SLC12A8: variants seen among roughly 807,000 people sequenced by gnomAD.
SLC12A8 encodes the protein solute carrier family 12 member 8.
Under a neutral mutation model 75.6 loss-of-function variants are expected in SLC12A8, and 69 were observed. The observed-to-expected ratio is 0.91, with a 90% confidence interval of 0.75 to 1.11. The LOEUF is 1.11. SLC12A8 is among the 50% of genes most tolerant of loss of function. SLC12A8 has a pLI of 0.00. For synonymous variants in SLC12A8, 365 were observed against 372.8 expected, an observed-to-expected ratio of 0.98 and a Z score of 0.24; for missense variants, 877 against 896.7, an observed-to-expected ratio of 0.98 and a Z score of 0.28.
chr3:125,151,462 G>A (rs1933920664), intron 5 of SLC12A8: 1 of 154,220 alleles, frequency 6.5e-6, no homozygotes, highest in Admixed American at 6.5e-5. Context: ...GCAAGGTGGA[G>A]AATCCCAAAT....
intron 10 of SLC12A8, 40 bp downstream of exon 10, chr3:125,107,441 C>A: frequency 6.5e-7 from 1 of 1,550,064 alleles, no homozygotes; most frequent in Non-Finnish European, 8.8e-7. Flanking sequence ...CAGTGGTCAT[C>A]CCCAAATAAG....
At chr3:125,200,147 C>T (rs941587036) in intron 2 of SLC12A8, among the ~76,000 whole-genome samples, 1 of 152,132 alleles carries the variant, frequency 6.6e-6, no homozygotes, top group Non-Finnish European at 1.5e-5. Context: ...GCATGTAGTA[C>T]TTCTATGATA....
At chr3:125,128,605 G>A (rs142263747) in intron 6 of SLC12A8, among the ~76,000 whole-genome samples, 19,819 of 150,638 alleles carry the variant, frequency 0.13, 1,615 homozygotes, top group Middle Eastern at 0.25. Flanking sequence ...TCAGCCTCCC[G>A]AGTAGCTGGG....
At chr3:125,140,422 G>A (rs1204144388) in intron 5 of SLC12A8, among the ~76,000 whole-genome samples, 1 of 152,180 alleles carries the variant, frequency 6.6e-6, no homozygotes, top group Admixed American at 6.5e-5. Context: ...GGGTTCCCAG[G>A]CCCTGGCACT....
chr3:125,177,898 G>T lies in SLC12A8; in HGVS notation c.467C>A (p.Ala156Asp). Residue 156 changes from alanine (A) to aspartate (D), a missense_variant, in exon 5 of 14, where the codon GCT becomes GAT. Coordinates refer to ENST00000469902, the MANE Select transcript of SLC12A8 (RefSeq NM_024628.6). The part of the protein sequence containing the change: ...SDLLGLGNIW[A>D]VRGISVAVLL... ...CACCGCAACTGAAATTCCTCGCACA[G>T]CCCAGATATTCCCGAGGCCCAGCAA... The T allele has an allele frequency of 6.2e-7, 1 of 1,614,158 alleles. No individual in the cohort carries two copies. Among genetic ancestry groups the T allele is most frequent in the Non-Finnish European group, 8.5e-7 (1 of 1,180,010 alleles).
chr3:125,166,132 C>T (rs1315673716), intron 5 of SLC12A8, among the ~76,000 whole-genome samples: 2 of 152,138 alleles, frequency 1.3e-5, no homozygotes, highest in African/African-American at 2.4e-5. Flanking sequence ...GGCGCTTTAC[C>T]CCAGCCCTGA....
chr3:125,098,956 C>T (rs1938791617), intron 10 of SLC12A8, among the ~76,000 whole-genome samples: 1 of 152,180 alleles, frequency 6.6e-6, no homozygotes, highest in African/African-American at 2.4e-5. Flanking sequence ...TGGGGAGATC[C>T]TGGAAATGAG....
rs78219403 is a variant in SLC12A8, at chr3:125,156,129, G to C, written c.623-20347C>G. On this transcript the variant is annotated intron_variant, in intron 5 of 13. Coordinates refer to ENST00000469902, the MANE Select transcript of SLC12A8 (RefSeq NM_024628.6). Reference sequence around the variant, plus strand: ...ACGGGGCATGTGGCTGAGCTGTAGTGCTGTGATGAGGGAGTGTGCCATCCA... The same window carrying C: ...ACGGGGCATGTGGCTGAGCTGTAGTCCTGTGATGAGGGAGTGTGCCATCCA... 8.6e-3 allele frequency among the ~76,000 whole-genome samples: 1,315 copies of C among 152,342 alleles called. 20 individuals are homozygous for C. The highest frequency in any genetic ancestry group is 0.03 in the African/African-American group (1,227 of 41,574).
chr3:125,170,874 C>G (rs1435472124), intron 5 of SLC12A8, among the ~76,000 whole-genome samples: 1 of 152,162 alleles, frequency 6.6e-6, no homozygotes, highest in African/African-American at 2.4e-5. Context: ...GAGATCACGC[C>G]ACTGCACTCC....
At chr3:125,203,312 A>G (rs1935164329) in intron 2 of SLC12A8, among the ~76,000 whole-genome samples, 1 of 152,166 alleles carries the variant, frequency 6.6e-6, no homozygotes, top group South Asian at 2.1e-4. Context: ...CAAAGCTGAA[A>G]GCATCACACT....
At chr3:125,145,922 C>G (rs2333044) in intron 5 of SLC12A8, among the ~76,000 whole-genome samples, 73,331 of 152,060 alleles carry the variant, frequency 0.48, 18,266 homozygotes, top group Non-Finnish European at 0.51. Context: ...CCACCTCCCA[C>G]GGCTCAAGTG....
At chr3:125,104,636 GA>G (rs367643487) in intron 10 of SLC12A8, among the ~76,000 whole-genome samples, 5 of 151,866 alleles carry the variant, frequency 3.3e-5, no homozygotes, top group African/African-American at 7.3e-5. Context: ...AGGAAAAAAA[GA>G]AAAAACACAT....
chr3:125,119,117 G>C (rs569608123), intron 7 of SLC12A8: 1 of 298,468 alleles, frequency 3.4e-6, no homozygotes, highest in Non-Finnish European at 6.3e-6. Flanking sequence ...AACACTTCAC[G>C]AATTTGCATG....
At chr3:125,175,405 A>G (rs924299020) in intron 5 of SLC12A8, among the ~76,000 whole-genome samples, 1 of 152,238 alleles carries the variant, frequency 6.6e-6, no homozygotes, top group Non-Finnish European at 1.5e-5. Context: ...TTGAGGAGCC[A>G]GTTGCTATGG....
At chr3:125,150,944 G>A (rs1193565854) in intron 5 of SLC12A8, among the ~76,000 whole-genome samples, 2 of 152,046 alleles carry the variant, frequency 1.3e-5, no homozygotes, top group African/African-American at 4.8e-5. Flanking sequence ...AGATTCCCGG[G>A]CCTCAGGCTA....
intron 5 of SLC12A8, among the ~76,000 whole-genome samples, chr3:125,148,786 A>G (rs1933848141): frequency 6.6e-6 from 1 of 152,138 alleles, no homozygotes. Flanking sequence ...TTGAGGGCAC[A>G]TATCCCACTT....
intron 8 of SLC12A8, chr3:125,110,624 T>C (rs1179516560): frequency 8.1e-6 from 2 of 246,476 alleles, no homozygotes; most frequent in African/African-American, 4.4e-5. Context: ...TCCTCAGAGT[T>C]CCTGGTTCAG....
In SLC12A8 at chr3:125,155,803, C is replaced by G. The variant is rs1447963367; in HGVS notation, c.623-20021G>C. ...TTTGAAAGGACTAAGAGCAGGGTAA[C>G]AGTTGATGAACCACTTTTCTTAATC... On this transcript the variant is annotated intron_variant, in intron 5 of 13. Transcript: ENST00000469902. Among the ~76,000 whole-genome samples, 3 of 113,908 alleles carry G rather than the reference C, an allele frequency of 2.6e-5. No homozygotes were observed. The East Asian group carries it at 7.4e-4, about 28-fold the overall frequency. The allele number at this position is 113,908 out of a possible 152,430, so 74.7% of individuals were successfully genotyped here.
intron 6 of SLC12A8, among the ~76,000 whole-genome samples, chr3:125,125,594 A>C (rs577416197): frequency 6.6e-6 from 1 of 152,332 alleles, no homozygotes; most frequent in African/African-American, 2.4e-5. Flanking sequence ...ACAGTTATTT[A>C]GAATCATGAT....
Sources: allele counts gnomAD v4.1 joint callset (sites outside exome capture counted in the v4.1 genomes callset), GRCh38; gene constraint gnomAD v4.1.1; transcripts MANE v1.5; gene names NCBI Gene and HGNC (gene_info 2026-07-23, HGNC 2026-07-21).